The following SHANK2 variants were observed in gnomAD, a reference collection of about 807,000 sequenced individuals.
SHANK2 encodes SH3 and multiple ankyrin repeat domains 2.
In SHANK2, 43 loss-of-function variants were observed where a neutral mutation model predicts 133.7. The ratio of observed to expected loss-of-function variants is 0.32; its 90% CI spans 0.25 to 0.41. The LOEUF (loss-of-function observed/expected upper bound fraction) is 0.41. Ranked by LOEUF, SHANK2 falls within the 10% of genes least tolerant of loss-of-function variation. The pLI, the probability that SHANK2 is intolerant of heterozygous loss-of-function variation, is 1.00. For missense variants in SHANK2, 1,994 were observed against 2,235.8 expected (o/e 0.89, Z 2.18); for synonymous variants, 1,017 against 952.8 (o/e 1.07, Z -1.24).
In SHANK2 at chr11:70,723,299, GTCTCTCTCTCTC is replaced by G. The variant is rs57815500; in HGVS notation, c.1778-24548_1778-24537del. Reference sequence around the variant, plus strand: ...TAGCAATTTTCTTGCTGGAGGGTCTGTCTCTCTCTCTCTCTCTCTCTCTCTCTCTCGCTGGCC... The same window carrying G: ...TAGCAATTTTCTTGCTGGAGGGTCTGTCTCTCTCTCTCTCTCTCGCTGGCC... On this transcript the variant is annotated intron_variant, in intron 14 of 25. Coordinates refer to ENST00000601538, the MANE Select transcript of SHANK2 (RefSeq NM_012309.5). Among the ~76,000 whole-genome samples, 8 of 145,832 alleles carry G rather than the reference GTCTCTCTCTCTC, an allele frequency of 5.5e-5. No homozygotes were observed. In the South Asian group the frequency reaches 6.8e-4, roughly 12 times the overall value.
In SHANK2 at chr11:70,772,997, C is replaced by T. The variant is rs1473886958; in HGVS notation, c.1777+25446G>A. Among the ~76,000 whole-genome samples, 15 of 152,310 alleles carry T rather than the reference C, an allele frequency of 9.8e-5. No individual in the cohort carries two copies. The East Asian group carries it at 2.9e-3, about 29-fold the overall frequency. ...TTTCCAGATCCAGCTGAAGAGCCCA[C>T]TAAGAGCTAAATGGCAGTTGGAGGT... On this transcript the variant is annotated intron_variant, in intron 14 of 25. Transcript: ENST00000601538.
Position 71,071,660 on chromosome 11 carries a change from A to C in SHANK2, c.1029+3499T>G, listed in dbSNP as rs1264274213. On this transcript the variant is annotated intron_variant, in intron 9 of 25. Coordinates refer to ENST00000601538, the MANE Select transcript of SHANK2 (RefSeq NM_012309.5). Reference sequence around the variant, plus strand: ...AATTGGATCTTGAAGGATGCATAGGAGTTTTCCAGGGCAAAGAATCCAGGA... The same window carrying C: ...AATTGGATCTTGAAGGATGCATAGGCGTTTTCCAGGGCAAAGAATCCAGGA... 2.6e-5 allele frequency among the ~76,000 whole-genome samples: 4 copies of C among 152,004 alleles called. No individual in the cohort carries two copies. In the East Asian group the frequency reaches 7.7e-4, roughly 29 times the overall value.
intron 14 of SHANK2, among the ~76,000 whole-genome samples, chr11:70,749,826 GA>G (rs1318238858): frequency 7.7e-4 from 114 of 148,692 alleles, no homozygotes; most frequent in Admixed American, 5.0e-3. Context: ...AAAAAAGACT[GA>G]AAAAAAAATA....
chr11:70,744,851 G>A (rs1555035630), intron 14 of SHANK2, among the ~76,000 whole-genome samples: 1 of 152,194 alleles, frequency 6.6e-6, no homozygotes, highest in East Asian at 1.9e-4. Flanking sequence ...AAGCACACAG[G>A]CCACCTCTTG....
intron 3 of SHANK2, among the ~76,000 whole-genome samples, chr11:71,134,931 A>G (rs1442620987): frequency 6.6e-6 from 1 of 152,084 alleles, no homozygotes; most frequent in Non-Finnish European, 1.5e-5. Flanking sequence ...CTTTTCAAAT[A>G]TAAACGATGT....
In SHANK2 at chr11:70,690,435, G is replaced by C. The variant is rs555064446; in HGVS notation, c.1853+8253C>G. Among the ~76,000 whole-genome samples the C allele has an allele frequency of 6.4e-5, 9 of 141,708 alleles. No homozygotes were observed. The South Asian group carries it at 2.1e-3, about 33-fold the overall frequency. 93.0% of individuals were successfully genotyped at this position (141,708 alleles called of 152,430 possible). A position where few individuals can be genotyped will look rare whatever the true frequency, so the allele number is the denominator to read the frequency against. ...CTTCTTCTCATAGGTCTGTAAAGAG[G>C]AATTGGAATACTAACCCCATTTGTA... On this transcript the variant is annotated intron_variant, in intron 15 of 25. Coordinates refer to ENST00000601538, the MANE Select transcript of SHANK2 (RefSeq NM_012309.5).
chr11:70,833,336 C>T (rs782424180), intron 11 of SHANK2, among the ~76,000 whole-genome samples: 3 of 152,266 alleles, frequency 2.0e-5, no homozygotes, highest in East Asian at 3.9e-4. Context: ...AGCACAGTGA[C>T]CGCCTGACAT....
intron 11 of SHANK2, among the ~76,000 whole-genome samples, chr11:70,859,362 G>A (rs573057351): frequency 1.7e-4 from 26 of 152,120 alleles, no homozygotes; most frequent in Non-Finnish European, 3.4e-4. Flanking sequence ...GGAGAAGTTG[G>A]TAGGCAAGCG....
intron 2 of SHANK2, among the ~76,000 whole-genome samples, chr11:71,173,936 C>T (rs782581581): frequency 3.1e-4 from 47 of 152,290 alleles, no homozygotes; most frequent in Admixed American, 1.2e-3. Flanking sequence ...TGAGCACGGC[C>T]CTGCCGATGC....
chr11:70,529,727 C>T (rs1467934772), intron 17 of SHANK2, among the ~76,000 whole-genome samples: 3 of 152,178 alleles, frequency 2.0e-5, no homozygotes, highest in African/African-American at 7.2e-5. Flanking sequence ...AACCGCTCAC[C>T]TCCTCCCTGT....
At chr11:71,158,789 G>C (rs541892394) in intron 2 of SHANK2, among the ~76,000 whole-genome samples, 34 of 152,312 alleles carry the variant, frequency 2.2e-4, no homozygotes, top group African/African-American at 7.9e-4. Context: ...CAGAACCTTA[G>C]GCTGGGCTTG....
intron 11 of SHANK2, chr11:70,826,561 A>C: frequency 2.1e-6 from 1 of 471,008 alleles, no homozygotes; most frequent in Non-Finnish European, 4.4e-6. Context: ...GATGGGAGGA[A>C]GGACAGGCGT....
At chr11:70,493,289 T>C (rs1354654042) in intron 21 of SHANK2, among the ~76,000 whole-genome samples, 1 of 148,904 alleles carries the variant, frequency 6.7e-6, no homozygotes, top group Non-Finnish European at 1.5e-5. Flanking sequence ...GAGGCCAGGG[T>C]GCTCGTGGCC....
chr11:70,952,434 T>C (rs1477370964), intron 10 of SHANK2, among the ~76,000 whole-genome samples: 2 of 152,232 alleles, frequency 1.3e-5, no homozygotes, highest in Admixed American at 6.5e-5. Flanking sequence ...CAGCTGCATT[T>C]GCTCCCTCCT....
chr11:71,120,336 T>C (rs1444784272), intron 3 of SHANK2, among the ~76,000 whole-genome samples: 1 of 152,226 alleles, frequency 6.6e-6, no homozygotes, highest in East Asian at 1.9e-4. Flanking sequence ...ACTTTGTCAC[T>C]GTCAAAGTGT....
rs1310509369 is a variant in SHANK2 at position 70,842,330 on chromosome 11, G to A, written c.1175-21648C>T. On this transcript the variant is annotated intron_variant, in intron 11 of 25. Transcript: ENST00000601538. ...GAATAAAGCATATTCCCTGCCGGGTGGCTCCAGACCTTTCTGCAGCACCAT... is the reference window on the plus strand; with the variant it reads ...GAATAAAGCATATTCCCTGCCGGGTAGCTCCAGACCTTTCTGCAGCACCAT... Among the ~76,000 whole-genome samples the A allele has an allele frequency of 6.6e-5, 10 of 152,184 alleles. 1 individual carries two copies. In the South Asian group the frequency reaches 1.0e-3, roughly 16 times the overall value.
intron 14 of SHANK2, among the ~76,000 whole-genome samples, chr11:70,788,714 C>T (rs1225399819): frequency 6.6e-6 from 1 of 152,180 alleles, no homozygotes; most frequent in Non-Finnish European, 1.5e-5. Context: ...TCCTGCCCAG[C>T]CCTGACCCCA....
At chr11:71,090,728 G>A (rs1385956376) in intron 8 of SHANK2, among the ~76,000 whole-genome samples, 3 of 151,994 alleles carry the variant, frequency 2.0e-5, no homozygotes, top group African/African-American at 7.3e-5. Flanking sequence ...AAAGTTTAGA[G>A]CTTAGACACA....
rs75910538 is a variant in SHANK2 at position 70,606,232 on chromosome 11, T to C, written c.2061+53596A>G. On this transcript the variant is annotated intron_variant, in intron 17 of 25. Transcript: ENST00000601538. ...CCCATCCTTCCCCCACCTTTTCCAC[T>C]GAAGAGACTCCTACTCACTCTTTAA... 6.3e-3 allele frequency among the ~76,000 whole-genome samples: 963 copies of C among 152,192 alleles called. 16 individuals are homozygous for C. The highest frequency in any genetic ancestry group is 0.022 in the African/African-American group (928 of 41,544).
Sources: gnomAD v4.1 joint callset for allele counts (sites outside exome capture counted in the v4.1 genomes callset) on GRCh38, gnomAD v4.1.1 for gene constraint, MANE v1.5 for transcripts, NCBI Gene and HGNC (gene_info 2026-07-23, HGNC 2026-07-21) for gene names.